Variants in SNX13 observed in about 807,000 individuals in gnomAD.
SNX13 encodes the protein sorting nexin-13.
In SNX13, 45 loss-of-function variants were observed where a neutral mutation model predicts 133.6. The ratio of observed to expected loss-of-function variants is 0.34; its 90% confidence interval spans 0.27 to 0.43. The LOEUF is 0.43. Among genes scored for constraint, SNX13 ranks in the 20% least tolerant of loss-of-function variants. The pLI is 1.00. For missense variants in SNX13, 1,032 were observed against 1,145.1 expected, an observed-to-expected ratio of 0.90 and a Z score of 1.43; for synonymous variants, 414 against 373.9, an observed-to-expected ratio of 1.11 and a Z score of -1.24.
At position 17,923,297 on chromosome 7, in the gene SNX13, T is replaced by C. The variant is rs1290769642; in HGVS notation, c.12+16987A>G. On this transcript the variant is annotated intron_variant, in intron 1 of 25. Coordinates refer to ENST00000428135, the MANE Select transcript of SNX13 (RefSeq NM_015132.5). ...ACACAGGATCTTTAAAACAGACTTG[T>C]ATATAGAAAGTTTTAAAAAGAAAAT... Among the ~76,000 whole-genome samples, 6 of 152,344 alleles carry C rather than the reference T, an allele frequency of 3.9e-5. No individual in the cohort carries two copies. In the East Asian group the frequency reaches 1.2e-3, roughly 29 times the overall value.
intron 9 of SNX13, among the ~76,000 whole-genome samples, chr7:17,866,307 A>G (rs1793391989): frequency 6.6e-6 from 1 of 151,990 alleles, no homozygotes; most frequent in African/African-American, 2.4e-5. Flanking sequence ...AAAAAAAAAA[A>G]GAATCCCATT....
At chr7:17,801,436 T>C (rs1326828676) in intron 22 of SNX13, among the ~76,000 whole-genome samples, 152 bp downstream of exon 22, 1 of 151,884 alleles carries the variant, frequency 6.6e-6, no homozygotes, top group African/African-American at 2.4e-5. Context: ...AGAGTGTTAA[T>C]TACATGGGCA....
intron 9 of SNX13, among the ~76,000 whole-genome samples, chr7:17,855,048 A>G (rs1791713361): frequency 1.3e-5 from 2 of 152,228 alleles, no homozygotes; most frequent in African/African-American, 4.8e-5. Context: ...TGAATGATAA[A>G]TGTGAAGAAC....
chr7:17,825,659 G>C, intron 17 of SNX13, among the ~76,000 whole-genome samples: 1 of 151,994 alleles, frequency 6.6e-6, no homozygotes, highest in East Asian at 1.9e-4. Flanking sequence ...GCCTGACTTT[G>C]TATATATGAA....
In SNX13 at chr7:17,796,992, C is replaced by T; in HGVS notation, c.2514-53G>A. On this transcript the variant is annotated intron_variant, in intron 24 of 25. Coordinates refer to ENST00000428135, the MANE Select transcript of SNX13 (RefSeq NM_015132.5). ...TAAACATTTTCATTTTCTAATGATACAAGTTGATAAAATTATTTCAAATTT... is the reference window on the plus strand; with the variant it reads ...TAAACATTTTCATTTTCTAATGATATAAGTTGATAAAATTATTTCAAATTT... 2 of 1,279,900 alleles carry T rather than the reference C, an allele frequency of 1.6e-6. 1 individual carries two copies. The highest frequency in any genetic ancestry group is 2.5e-5 in the South Asian group (2 of 80,710). The allele number at this position is 1,279,900 out of a possible 1,614,324, so 79.3% of individuals were successfully genotyped here.
At chr7:17,878,979 C>T (rs1795042228) in intron 5 of SNX13, among the ~76,000 whole-genome samples, 1 of 152,156 alleles carries the variant, frequency 6.6e-6, no homozygotes, top group Non-Finnish European at 1.5e-5. Flanking sequence ...CCCACTTACA[C>T]ATTAAAGTTC....
Position 17,893,378 on chromosome 7 carries a change from T to C in SNX13, c.182A>G (p.Gln61Arg). 6 of 1,578,250 alleles carry C rather than the reference T, an allele frequency of 3.8e-6. No individual in the cohort carries two copies. Among genetic ancestry groups the C allele is most frequent in the Non-Finnish European group, 5.2e-6 (6 of 1,160,210 alleles). The change falls in exon 3 of 26, where the codon CAG (glutamine) becomes CGG (arginine). Residue 61 changes from glutamine (Q) to arginine (R), a missense_variant. Transcript: ENST00000428135. Reference sequence around the variant, plus strand: ...TGGAGGAAGAAATGAGTGTTCACACTGTTCTAGGTACTTCTCTGAGTTTGT... The same window carrying C: ...TGGAGGAAGAAATGAGTGTTCACACCGTTCTAGGTACTTCTCTGAGTTTGT... ...GKTNSEKYLE[Q>R]CEHSFLPPTS... is the part of the protein sequence containing the mutation.
At chr7:17,924,098 C>A (rs1024010555) in intron 1 of SNX13, among the ~76,000 whole-genome samples, 4 of 152,078 alleles carry the variant, frequency 2.6e-5, no homozygotes, top group African/African-American at 9.7e-5. Context: ...AAATAATTAT[C>A]TTTTGACACC....
intron 20 of SNX13, among the ~76,000 whole-genome samples, chr7:17,805,129 G>T (rs1174327589): frequency 6.6e-6 from 1 of 151,152 alleles, no homozygotes; most frequent in Non-Finnish European, 1.5e-5. Context: ...CTTGAATAAG[G>T]ATTTGAAAAA....
At chr7:17,808,045 C>T (rs1050475093) in intron 20 of SNX13, among the ~76,000 whole-genome samples, 4 of 152,178 alleles carry the variant, frequency 2.6e-5, no homozygotes, top group Non-Finnish European at 5.9e-5. Flanking sequence ...CAGAACGCAT[C>T]TTCTCCTCCA....
At chr7:17,848,448 C>T (rs765048500) in intron 11 of SNX13, among the ~76,000 whole-genome samples, 5 of 152,126 alleles carry the variant, frequency 3.3e-5, no homozygotes, top group Non-Finnish European at 5.9e-5. Context: ...GAAGGGCAGC[C>T]GCCTCATGCA....
intron 5 of SNX13, among the ~76,000 whole-genome samples, chr7:17,883,911 TATAA>T (rs1169766515): frequency 6.6e-6 from 1 of 152,226 alleles, no homozygotes; most frequent in Non-Finnish European, 1.5e-5. Context: ...TGCTTGTTTT[TATAA>T]ATATAGTTTT....
chr7:17,896,817 A>T (rs1583671177), intron 2 of SNX13, among the ~76,000 whole-genome samples: 1 of 152,244 alleles, frequency 6.6e-6, no homozygotes, highest in South Asian at 2.1e-4. Flanking sequence ...AGGTTTATCA[A>T]CTTAAGGGAA....
Position 17,845,698 on chromosome 7 carries a change from C to CTGCAATCGCTGTATTCTTG in SNX13, c.1066-5_1066-4insCAAGAATACAGCGATTGCA. ...CAAGTTTCACAGTATTTATTTCCTA[C>CTGCAATCGCTGTATTCTTG]AGGCAAAAGTGAATATAAGTTAATA... On this transcript the variant is annotated splice_region_variant and splice_polypyrimidine_tract_variant and intron_variant, in intron 11 of 25. Transcript: ENST00000428135. The CTGCAATCGCTGTATTCTTG allele has an allele frequency of 6.4e-7, 1 of 1,569,038 alleles. No homozygotes were observed. Among genetic ancestry groups the CTGCAATCGCTGTATTCTTG allele is most frequent in the Non-Finnish European group, 8.7e-7 (1 of 1,152,164 alleles).
chr7:17,909,129 A>T (rs1273537565), intron 1 of SNX13, among the ~76,000 whole-genome samples: 1 of 152,032 alleles, frequency 6.6e-6, no homozygotes, highest in African/African-American at 2.4e-5. Flanking sequence ...ATGCTAATCA[A>T]AAAAAAATTA....
intron 20 of SNX13, among the ~76,000 whole-genome samples, chr7:17,805,738 G>A (rs1266590608): frequency 6.6e-6 from 1 of 152,136 alleles, no homozygotes; most frequent in Non-Finnish European, 1.5e-5. Context: ...GATACTCTAA[G>A]AGAAAGTAAA....
chr7:17,821,693 A>G (rs756133323), intron 17 of SNX13, 45 bp from the exon 18 acceptor site: 1 of 1,533,510 alleles, frequency 6.5e-7, no homozygotes. Flanking sequence ...TAATCATTTA[A>G]AACAAAATGA....
chr7:17,836,919 C>A (rs1050617561), intron 13 of SNX13, among the ~76,000 whole-genome samples: 4 of 151,922 alleles, frequency 2.6e-5, no homozygotes, highest in African/African-American at 7.2e-5. Context: ...TCTATCGAGT[C>A]CATGATGCAG....
chr7:17,805,255 G>GTGTGCGCGCGCGCGCA (rs772458913), intron 20 of SNX13, among the ~76,000 whole-genome samples: 1 of 86,824 alleles, frequency 1.2e-5, no homozygotes, highest in Non-Finnish European at 2.8e-5. Context: ...GTGTGTGCGT[G>GTGTGCGCGCGCGCGCA]CGCGCGCGCG....
Sources: gnomAD v4.1 joint callset for allele counts (sites outside exome capture counted in the v4.1 genomes callset) on GRCh38, gnomAD v4.1.1 for gene constraint, MANE v1.5 for transcripts, NCBI Gene and HGNC (gene_info 2026-07-23, HGNC 2026-07-21) for gene names.